ERN1: variants seen among roughly 807,000 people sequenced by gnomAD.
ERN1 encodes endoplasmic reticulum to nucleus signaling 1, also known as serine/threonine-protein kinase/endoribonuclease IRE1.
Under a neutral mutation model 113.1 loss-of-function variants are expected in ERN1, and 39 were observed. The ratio of observed to expected loss-of-function variants is 0.34; its 90% CI spans 0.27 to 0.45. ERN1 has a LOEUF of 0.45. ERN1 is among the 20% of genes least tolerant of loss of function. The pLI is 1.00. For missense variants in ERN1, 976 were observed against 1,274.8 expected, an observed-to-expected ratio of 0.77 and a Z score of 3.57; for synonymous variants, 507 against 515.9, an observed-to-expected ratio of 0.98 and a Z score of 0.23.
chr17:64,096,916 G>A (rs1914246296), intron 2 of ERN1, among the ~76,000 whole-genome samples: 1 of 152,186 alleles, frequency 6.6e-6, no homozygotes, highest in East Asian at 1.9e-4. Context: ...TGAAAGACAT[G>A]CCCTAACATT....
At chr17:64,107,052 C>T (rs1338525737) in intron 1 of ERN1, among the ~76,000 whole-genome samples, 2 of 152,126 alleles carry the variant, frequency 1.3e-5, no homozygotes, top group Non-Finnish European at 2.9e-5. Flanking sequence ...CAGCAGAGTA[C>T]CGCTTTCTAA....
chr17:64,060,079 C>T (rs1285973492), intron 11 of ERN1, among the ~76,000 whole-genome samples: 2 of 152,046 alleles, frequency 1.3e-5, no homozygotes, highest in African/African-American at 4.8e-5. Flanking sequence ...TTCCTACTAC[C>T]CCCTACTTAG....
rs922127107 is a variant in ERN1, at chr17:64,053,340, C to T, written c.1985G>A (p.Gly662Asp). 7 of 1,611,100 alleles carry T rather than the reference C, an allele frequency of 4.3e-6. No individual in the cohort carries two copies. Among genetic ancestry groups the T allele is most frequent in the Non-Finnish European group, 5.9e-6 (7 of 1,178,776 alleles). The change falls in exon 16 of 22, where the codon GGC becomes GAC. Residue 662 changes from glycine (G) to aspartate (D), a missense_variant. Coordinates refer to ENST00000433197, the MANE Select transcript of ERN1 (RefSeq NM_001433.5). ...YVEQKDFAHL[G>D]LEPITLLQQT... ...CTGCAGCAAGGTGATGGGCTCCAGG[C>T]CGAGATGCGCAAAGTCCTTCTGCTC...
chr17:64,091,129 C>A (rs887600328), intron 2 of ERN1, among the ~76,000 whole-genome samples: 7 of 152,172 alleles, frequency 4.6e-5, no homozygotes, highest in African/African-American at 1.7e-4. Context: ...GATCTATTAA[C>A]AAAACATCAT....
intron 1 of ERN1, among the ~76,000 whole-genome samples, chr17:64,101,266 G>A (rs376702678): frequency 9.2e-5 from 14 of 152,036 alleles, no homozygotes; most frequent in Middle Eastern, 3.4e-3. Context: ...AAAATTAGCC[G>A]GGCGTGGTGG....
At chr17:64,124,546 A>T (rs1205781999) in intron 1 of ERN1, among the ~76,000 whole-genome samples, 1 of 152,118 alleles carries the variant, frequency 6.6e-6, no homozygotes, top group Non-Finnish European at 1.5e-5. Context: ...AAAAATGGGA[A>T]GCTCCCTGCA....
At chr17:64,079,512 C>CAG (rs760998328) in intron 4 of ERN1, 150 bp downstream of exon 4, 14 of 583,892 alleles carry the variant, frequency 2.4e-5, no homozygotes, top group Non-Finnish European at 4.3e-5. Flanking sequence ...GACTGATGCC[C>CAG]AGGCTCCTCT....
chr17:64,054,423 G>A lies in ERN1; in HGVS notation c.1780C>T (p.Arg594Cys), dbSNP rs376732374. Residue 594 changes from arginine (R) to cysteine (C), a missense_variant, in exon 15 of 22, where the codon CGC becomes TGC. By Grantham distance (180) the Arg-to-Cys change is radical. Around this residue, in one of 5 missense-constraint regions of ERN1, gnomAD observed 297 missense variants for 457.8 expected, o/e 0.65. Coordinates refer to ENST00000433197, the MANE Select transcript of ERN1 (RefSeq NM_001433.5). The surrounding 1 kb of genome is among the most constrained non-coding windows in gnomAD (Gnocchi z 4.9). ...TIVYRGMFDN[R>C]DVAVKRILPE... ...AGGATCCTCTTCACGGCCACGTCGC[G>A]GTTGTCAAACATGCCCCTGCGGGAT... The A allele has an allele frequency of 1.9e-6, 3 of 1,567,140 alleles. No individual in the cohort carries two copies. The highest frequency in any genetic ancestry group is 1.4e-5 in the African/African-American group (1 of 73,572).
At chr17:64,083,195 G>A (rs140218097) in intron 2 of ERN1, among the ~76,000 whole-genome samples, 2 of 152,160 alleles carry the variant, frequency 1.3e-5, no homozygotes, top group African/African-American at 4.8e-5. Flanking sequence ...GATGAGACAC[G>A]GGAACACTGG....
Position 64,130,136 on chromosome 17 carries a change from C to G in ERN1, c.-107G>C, listed in dbSNP as rs994435609. ...CGAGCCTCAGCGGACGCAGAACTGA[C>G]TAGGCAGCGGCGGCACCCCCATTCC... On this transcript the variant is annotated 5_prime_UTR_variant, in exon 1 of 22. Transcript: ENST00000433197. The surrounding 1 kb of genome is among the most constrained non-coding windows in gnomAD (Gnocchi z 4.0). 11 of 1,057,256 alleles carry G rather than the reference C, an allele frequency of 1.0e-5. No homozygotes were observed. The Admixed American group carries it at 3.0e-4, about 29-fold the overall frequency. The allele number at this position is 1,057,256 out of a possible 1,614,324, so 65.5% of individuals were successfully genotyped here.
intron 3 of ERN1, 124 bp from the exon 4 acceptor site, chr17:64,079,858 A>AAT (rs1913713683): frequency 4.3e-6 from 3 of 694,534 alleles, no homozygotes; most frequent in Non-Finnish European, 7.7e-6. Flanking sequence ...TAGGTGTATA[A>AAT]GTGAGTATAT....
At chr17:64,089,754 CT>C (rs1199623858) in intron 2 of ERN1, among the ~76,000 whole-genome samples, 2 of 152,102 alleles carry the variant, frequency 1.3e-5, no homozygotes, top group Admixed American at 1.3e-4. Flanking sequence ...AAACTGAGCC[CT>C]GTCTAGATAA....
At chr17:64,101,467 C>T (rs1427592242) in intron 1 of ERN1, among the ~76,000 whole-genome samples, 1 of 152,090 alleles carries the variant, frequency 6.6e-6, no homozygotes, top group Non-Finnish European at 1.5e-5. Context: ...TTCTTCTTTT[C>T]TCATTTTTTA....
At chr17:64,055,282 C>A (rs556667831) in intron 13 of ERN1, among the ~76,000 whole-genome samples, 2 of 152,318 alleles carry the variant, frequency 1.3e-5, no homozygotes, top group East Asian at 3.9e-4. Context: ...AGCTCTGTGC[C>A]AGTTCCCTCA....
intron 2 of ERN1, among the ~76,000 whole-genome samples, chr17:64,097,131 G>C (rs1017325897): frequency 2.0e-5 from 3 of 152,212 alleles, no homozygotes; most frequent in African/African-American, 7.2e-5. Flanking sequence ...ACACTCCTGA[G>C]AGAGCTGGTC....
At chr17:64,123,788 T>TA (rs893598929) in intron 1 of ERN1, among the ~76,000 whole-genome samples, 16 of 150,752 alleles carry the variant, frequency 1.1e-4, no homozygotes, top group African/African-American at 2.0e-4. Flanking sequence ...AGTGAAAAAA[T>TA]AAAAAAAAAT....
At position 64,054,669 on chromosome 17, in the gene ERN1, C is replaced by T; in HGVS notation, c.1763+69G>A. 2 of 1,307,940 alleles carry T rather than the reference C, an allele frequency of 1.5e-6. No homozygotes were observed. The highest frequency in any genetic ancestry group is 1.3e-5 in the South Asian group (1 of 75,536). 81.0% of individuals were successfully genotyped at this position (1,307,940 alleles called of 1,614,324 possible). A position where few individuals can be genotyped will look rare whatever the true frequency, so the allele number is the denominator to read the frequency against. ...ACCCTGCTGTGCTCTGAGCCTGGCACCAGGCTCGCAACCTGACAGGCACTT... is the reference window on the plus strand; with the variant it reads ...ACCCTGCTGTGCTCTGAGCCTGGCATCAGGCTCGCAACCTGACAGGCACTT... On this transcript the variant is annotated intron_variant, in intron 14 of 21. Coordinates refer to ENST00000433197, the MANE Select transcript of ERN1 (RefSeq NM_001433.5). The surrounding 1 kb of genome is among the most constrained non-coding windows in gnomAD (Gnocchi z 4.9).
intron 1 of ERN1, among the ~76,000 whole-genome samples, chr17:64,118,909 C>T (rs947398685): frequency 6.6e-6 from 1 of 152,164 alleles, no homozygotes; most frequent in African/African-American, 2.4e-5. Context: ...AACATATGTT[C>T]CCACCCTGAT....
At chr17:64,126,502 A>C (rs1202794396) in intron 1 of ERN1, among the ~76,000 whole-genome samples, 1 of 152,158 alleles carries the variant, frequency 6.6e-6, no homozygotes, top group Non-Finnish European at 1.5e-5. Flanking sequence ...CACTAGATTT[A>C]TGTTCGGAAA....
Sources: gnomAD v4.1 joint callset for allele counts (sites outside exome capture counted in the v4.1 genomes callset) on GRCh38, gnomAD v4.1.1 for gene constraint, gnomAD v4.1.1 regional missense constraint, Gnocchi (gnomAD v3.1) non-coding constraint, MANE v1.5 for transcripts, NCBI Gene and HGNC (gene_info 2026-07-23, HGNC 2026-07-21) for gene names.